ANO10: variants seen among roughly 807,000 people sequenced by gnomAD.
ANO10 encodes the protein anoctamin-10.
ANO10 carries 77 observed loss-of-function variants against 74.7 expected under a neutral mutation model. That is an observed-to-expected ratio of 1.03 (90% confidence interval 0.86 to 1.25). The LOEUF is 1.25. Among genes scored for constraint, ANO10 ranks in the 50% most tolerant of loss-of-function variants. The pLI, the probability that ANO10 is intolerant of heterozygous loss-of-function variation, is 0.00. For synonymous variants in ANO10, 279 were observed against 284.9 expected (o/e 0.98, Z 0.21); for missense variants, 721 against 778.1 (o/e 0.93, Z 0.87).
chr3:43,371,039 G>T (rs1291806594), intron 12 of ANO10, among the ~76,000 whole-genome samples: 1 of 152,110 alleles, frequency 6.6e-6, no homozygotes, highest in Non-Finnish European at 1.5e-5. Context: ...GACTCCTTCT[G>T]GCTGAGCCCA....
At chr3:43,657,410 C>T (rs969021676) in intron 1 of ANO10, among the ~76,000 whole-genome samples, 1 of 152,202 alleles carries the variant, frequency 6.6e-6, no homozygotes, top group Admixed American at 6.5e-5. Flanking sequence ...TATCACCGGG[C>T]TGGAGCTTCT....
intron 1 of ANO10, among the ~76,000 whole-genome samples, chr3:43,687,001 T>G (rs1323907904): frequency 6.7e-6 from 1 of 149,248 alleles, no homozygotes; most frequent in Non-Finnish European, 1.5e-5. Flanking sequence ...TAAAGTCATG[T>G]GATTTTTTTT....
chr3:43,590,877 C>A (rs956115056), intron 4 of ANO10, among the ~76,000 whole-genome samples: 2 of 152,160 alleles, frequency 1.3e-5, no homozygotes, highest in African/African-American at 2.4e-5. Context: ...ATGAAGGTGA[C>A]CACACCCACC....
intron 1 of ANO10, among the ~76,000 whole-genome samples, chr3:43,658,034 T>G (rs185983059): frequency 6.6e-6 from 1 of 152,340 alleles, no homozygotes; most frequent in East Asian, 1.9e-4. Flanking sequence ...TTCTTTGTCT[T>G]TTCCCAGCTA....
intron 11 of ANO10, among the ~76,000 whole-genome samples, chr3:43,498,792 G>A (rs1413851504): frequency 6.6e-6 from 1 of 152,170 alleles, no homozygotes; most frequent in Non-Finnish European, 1.5e-5. Flanking sequence ...TTTTCAGCAG[G>A]TAGGGTAAGA....
At chr3:43,432,114 T>A (rs569194239) in intron 12 of ANO10, among the ~76,000 whole-genome samples, 64 of 148,542 alleles carry the variant, frequency 4.3e-4, no homozygotes, top group Non-Finnish European at 8.5e-4. Flanking sequence ...AACTCCAGCA[T>A]GGCTTTTTTT....
chr3:43,485,255 A>T, intron 11 of ANO10: 1 of 627,592 alleles, frequency 1.6e-6, no homozygotes, highest in Non-Finnish European at 2.9e-6. Context: ...GAGAGGCAGG[A>T]CTAGCTGCTG....
At chr3:43,458,549 T>C (rs995001254) in intron 11 of ANO10, among the ~76,000 whole-genome samples, 2 of 152,236 alleles carry the variant, frequency 1.3e-5, no homozygotes. Context: ...AGGAATTCTC[T>C]TATGCATTAC....
chr3:43,459,139 A>T (rs1234167443), intron 11 of ANO10, among the ~76,000 whole-genome samples: 1 of 152,152 alleles, frequency 6.6e-6, no homozygotes, highest in Non-Finnish European at 1.5e-5. Flanking sequence ...TCACTATCAT[A>T]GGGTGGCACT....
At chr3:43,578,554 A>C (rs2081117087) in intron 5 of ANO10, among the ~76,000 whole-genome samples, 1 of 152,156 alleles carries the variant, frequency 6.6e-6, no homozygotes, top group Admixed American at 6.5e-5. Flanking sequence ...GTTCAAGACC[A>C]GCCTGGCCAA....
intron 11 of ANO10, among the ~76,000 whole-genome samples, chr3:43,538,799 T>A (rs1244063973): frequency 6.6e-6 from 1 of 152,146 alleles, no homozygotes; most frequent in Non-Finnish European, 1.5e-5. Context: ...AGACAAGAAC[T>A]GTTTCAGCTT....
At chr3:43,372,062 G>T (rs2091632385) in intron 12 of ANO10, among the ~76,000 whole-genome samples, 1 of 152,108 alleles carries the variant, frequency 6.6e-6, no homozygotes, top group Non-Finnish European at 1.5e-5. Context: ...CCCTCTGATT[G>T]TTGCTTCATT....
rs114851139 is a variant in ANO10 at position 43,459,013 on chromosome 3, T to C, written c.1798-26286A>G. Among the ~76,000 whole-genome samples, 956 of 152,284 alleles carry C rather than the reference T, an allele frequency of 6.3e-3. 7 individuals carry two copies. Among genetic ancestry groups the C allele is most frequent in the African/African-American group, 0.022 (914 of 41,552 alleles). The stretch of plus-strand genomic sequence containing the variant: ...ATGTCTCTACAACAGTAAAACAAAG[T>C]CTCTGAGCCCCTTGAGTTATGTGTA... On this transcript the variant is annotated intron_variant, in intron 11 of 12. Transcript: ENST00000292246.
At chr3:43,631,956 C>T (rs2083552728) in intron 1 of ANO10, among the ~76,000 whole-genome samples, 1 of 151,298 alleles carries the variant, frequency 6.6e-6, no homozygotes, top group African/African-American at 2.4e-5. Flanking sequence ...GCCTATAATC[C>T]CAGCTACTTG....
At chr3:43,422,524 A>T (rs1027650732) in intron 12 of ANO10, among the ~76,000 whole-genome samples, 3 of 152,202 alleles carry the variant, frequency 2.0e-5, no homozygotes, top group African/African-American at 7.2e-5. Context: ...CATCTGTGAA[A>T]ATGGTCCCAA....
chr3:43,390,637 C>T (rs1369970189), intron 12 of ANO10, among the ~76,000 whole-genome samples: 1 of 152,164 alleles, frequency 6.6e-6, no homozygotes, highest in Non-Finnish European at 1.5e-5. Context: ...GTTGGTCTCC[C>T]CATATCTGAG....
At chr3:43,449,053 T>A (rs979440827) in intron 11 of ANO10, among the ~76,000 whole-genome samples, 2 of 151,944 alleles carry the variant, frequency 1.3e-5, no homozygotes, top group African/African-American at 4.8e-5. Context: ...AGTTTTGTAT[T>A]TTTAATAGAG....
intron 11 of ANO10, among the ~76,000 whole-genome samples, chr3:43,448,833 G>A (rs2074704567): frequency 1.3e-5 from 2 of 149,862 alleles, no homozygotes; most frequent in South Asian, 4.3e-4. Flanking sequence ...CTATTGGATT[G>A]TTTGTTTATG....
intron 1 of ANO10, among the ~76,000 whole-genome samples, chr3:43,640,790 A>G (rs1001142099): frequency 1.3e-5 from 2 of 152,224 alleles, no homozygotes; most frequent in Non-Finnish European, 2.9e-5. Flanking sequence ...ATGGTTTTCA[A>G]TAAGATTTCA....
Sources: gnomAD v4.1 joint callset for allele counts (sites outside exome capture counted in the v4.1 genomes callset) on GRCh38, gnomAD v4.1.1 for gene constraint, MANE v1.5 for transcripts, NCBI Gene and HGNC (gene_info 2026-07-23, HGNC 2026-07-21) for gene names.